The following CXCL17 variants were observed in gnomAD, a reference collection of about 807,000 sequenced individuals.
CXCL17 encodes C-X-C motif chemokine ligand 17, also known as C-X-C motif chemokine 17.
A neutral mutation model predicts 15.5 loss-of-function variants in CXCL17; 9 were observed. The ratio of observed to expected loss-of-function variants is 0.58; its 90% CI spans 0.35 to 1.01. The LOEUF (loss-of-function observed/expected upper bound fraction) is 1.01. Among genes scored for constraint, CXCL17 ranks in the 50% least tolerant of loss-of-function variants. The pLI is 0.02. For synonymous variants in CXCL17, 52 were observed against 52.3 expected (o/e 0.99, Z 0.02); for missense variants, 133 against 138.2 (o/e 0.96, Z 0.19).
In CXCL17 at chr19:42,428,604, A is replaced by C. The variant is rs35731308; in HGVS notation, c.*280T>G. 193 of 311,822 alleles carry C rather than the reference A, an allele frequency of 6.2e-4. 1 individual carries two copies. Among genetic ancestry groups the C allele is most frequent in the African/African-American group, 3.7e-3 (175 of 47,036 alleles). The allele number at this position is 311,822 out of a possible 1,614,324, so 19.3% of individuals were successfully genotyped here. On this transcript the variant is annotated 3_prime_UTR_variant, in exon 4 of 4. Transcript: ENST00000601181. ...CTTTCCTGATTGCATTTAAGGTTAA[A>C]TGACACTAGCTAGGAAGCTACAGTT...
Position 42,432,990 on chromosome 19 carries a change from T to C in CXCL17, c.248A>G (p.Asn83Ser), listed in dbSNP as rs2040798250. 4 of 1,613,194 alleles carry C rather than the reference T, an allele frequency of 2.5e-6. No individual in the cohort carries two copies. The East Asian group carries it at 8.9e-5, about 36-fold the overall frequency. Reference protein sequence around the residue: ...KQCPCDHFKGNVKKTRHQRHH... With the variant: ...KQCPCDHFKGSVKKTRHQRHH... ...TGGAAACTTACTTGTTTTCTTCACA[T>C]TGCCCTTGAAATGATCACAGGGGCA... is the stretch of plus-strand genomic sequence containing the variant. The change falls in exon 3 of 4, where the codon AAT becomes AGT. Residue 83 changes from asparagine (N) to serine (S), a missense_variant. Coordinates refer to ENST00000601181, the MANE Select transcript of CXCL17 (RefSeq NM_198477.3).
intron 3 of CXCL17, among the ~76,000 whole-genome samples, chr19:42,429,672 C>G (rs1454299873): frequency 6.6e-6 from 1 of 152,006 alleles, no homozygotes; most frequent in Non-Finnish European, 1.5e-5. Flanking sequence ...AAAAATAAGA[C>G]TCATCCAGTG....
chr19:42,442,702 GT>G (rs1226461157), intron 1 of CXCL17, 51 bp downstream of exon 1: 18 of 1,345,058 alleles, frequency 1.3e-5, no homozygotes, highest in Admixed American at 1.7e-5. Flanking sequence ...TCTGTGGCCT[GT>G]TTTGCCACAT....
At position 42,428,626 on chromosome 19, in the gene CXCL17, A is replaced by G. The variant is rs2040741206; in HGVS notation, c.*258T>C. On this transcript the variant is annotated 3_prime_UTR_variant, in exon 4 of 4. Coordinates refer to ENST00000601181, the MANE Select transcript of CXCL17 (RefSeq NM_198477.3). ...TAAATGACACTAGCTAGGAAGCTAC[A>G]GTTTCCTGGAATCTTTCAGGTAATT... The G allele has an allele frequency of 2.7e-6, 1 of 366,368 alleles. No homozygotes were observed. Among genetic ancestry groups the G allele is most frequent in the Admixed American group, 4.3e-5 (1 of 23,230 alleles). The allele number at this position is 366,368 out of a possible 1,614,324, so 22.7% of individuals were successfully genotyped here. A position where few individuals can be genotyped will look rare whatever the true frequency, so the allele number is the denominator to read the frequency against.
rs745783734 is a variant in CXCL17, at chr19:42,433,056, C to T, written c.182G>A (p.Arg61Lys). ...CCCAGACACTGTCATGAATTTTCTT[C>T]TCGGGGCTCTCAGGAACCAATCTGG... Reference protein sequence around the residue: ...ECKDWFLRAPRRKFMTVSGLP... With the variant: ...ECKDWFLRAPKRKFMTVSGLP... Residue 61 changes from arginine to lysine, a missense_variant, in exon 3 of 4, where the codon AGA (arginine) becomes AAA (lysine). Transcript: ENST00000601181. 10 of 1,613,902 alleles carry T rather than the reference C, an allele frequency of 6.2e-6. No homozygotes were observed. Among genetic ancestry groups the T allele is most frequent in the Middle Eastern group, 1.7e-4 (1 of 6,060 alleles).
intron 1 of CXCL17, among the ~76,000 whole-genome samples, chr19:42,440,904 AGG>A (rs1342557365): frequency 2.5e-5 from 3 of 120,756 alleles, no homozygotes; most frequent in African/African-American, 9.4e-5. Context: ...CTGCCATAAC[AGG>A]GGTTTGGATG....
chr19:42,435,251 T>G (rs1270003672), intron 1 of CXCL17, among the ~76,000 whole-genome samples: 1 of 152,166 alleles, frequency 6.6e-6, no homozygotes, highest in African/African-American at 2.4e-5. Flanking sequence ...AGTAAGAGCT[T>G]GGCTCAGATG....
chr19:42,429,676 T>C (rs1383041877), intron 3 of CXCL17, among the ~76,000 whole-genome samples: 2 of 152,050 alleles, frequency 1.3e-5, no homozygotes, highest in Non-Finnish European at 1.5e-5. Context: ...ATAAGACTCA[T>C]CCAGTGGAAA....
intron 3 of CXCL17, among the ~76,000 whole-genome samples, chr19:42,429,728 C>T (rs1009838568): frequency 6.6e-6 from 1 of 152,176 alleles, no homozygotes; most frequent in African/African-American, 2.4e-5. Context: ...ACTCCTCCCA[C>T]CCCAGCCTCT....
At chr19:42,435,203 A>G (rs574258369) in intron 1 of CXCL17, among the ~76,000 whole-genome samples, 10 of 152,092 alleles carry the variant, frequency 6.6e-5, no homozygotes, top group Non-Finnish European at 1.5e-4. Flanking sequence ...AATTCCTAAG[A>G]CAATCAAGAA....
chr19:42,441,212 A>T (rs533084051), intron 1 of CXCL17, among the ~76,000 whole-genome samples: 1 of 152,328 alleles, frequency 6.6e-6, no homozygotes, highest in African/African-American at 2.4e-5. Context: ...GGAAAGGCAC[A>T]TGAAGGCCCT....
intron 1 of CXCL17, among the ~76,000 whole-genome samples, chr19:42,441,997 T>C (rs1470572267): frequency 1.3e-5 from 2 of 152,168 alleles, no homozygotes; most frequent in African/African-American, 4.8e-5. Flanking sequence ...TCCAGTGCAC[T>C]GTAAAGAATA....
At chr19:42,432,911 G>C (rs1310571944) in intron 3 of CXCL17, 65 bp downstream of exon 3, 2 of 1,198,880 alleles carry the variant, frequency 1.7e-6, no homozygotes, top group Non-Finnish European at 2.5e-6. Flanking sequence ...TTCTCAACGT[G>C]CTTCTTCCCT....
intron 1 of CXCL17, among the ~76,000 whole-genome samples, chr19:42,441,748 G>A (rs951122549): frequency 4.6e-5 from 7 of 152,158 alleles, no homozygotes; most frequent in African/African-American, 1.4e-4. Context: ...GCTCACAAGC[G>A]GAAATATACA....
intron 1 of CXCL17, among the ~76,000 whole-genome samples, chr19:42,437,348 T>C (rs966828499): frequency 6.6e-6 from 1 of 152,206 alleles, no homozygotes; most frequent in African/African-American, 2.4e-5. Flanking sequence ...CTAACATGCA[T>C]TGGAATAAAC....
chr19:42,436,404 AGTTCCAGAG>A (rs1308675363), intron 1 of CXCL17, among the ~76,000 whole-genome samples: 8 of 152,182 alleles, frequency 5.3e-5, no homozygotes, highest in Admixed American at 5.2e-4. Context: ...CTCTACTCCT[AGTTCCAGAG>A]AAAAACCACA....
intron 1 of CXCL17, among the ~76,000 whole-genome samples, chr19:42,441,229 A>G (rs920443437): frequency 1.3e-5 from 2 of 152,154 alleles, no homozygotes; most frequent in African/African-American, 4.8e-5. Flanking sequence ...CCCTCAATAT[A>G]AGGCAGCAGA....
At chr19:42,438,991 C>T (rs763999752) in intron 1 of CXCL17, among the ~76,000 whole-genome samples, 2 of 152,100 alleles carry the variant, frequency 1.3e-5, no homozygotes, top group African/African-American at 2.4e-5. Flanking sequence ...TGGTGGCTCA[C>T]GCCTGTAATC....
rs544338015 is a variant in CXCL17 at position 42,433,929 on chromosome 19, C to T, written c.80-73G>A. 1.6e-5 allele frequency: 18 copies of T among 1,139,678 alleles called. No homozygotes were observed. In the South Asian group the frequency reaches 2.1e-4, roughly 13 times the overall value. 70.6% of individuals were successfully genotyped at this position (1,139,678 alleles called of 1,614,324 possible). On this transcript the variant is annotated intron_variant, in intron 1 of 3. Transcript: ENST00000601181. ...AATGATCCTCCCAGCATTGTTCTAC[C>T]TAGGTCAGCACAGTTCCATTTTTCC...
Sources: gnomAD v4.1 joint callset for allele counts (sites outside exome capture counted in the v4.1 genomes callset) on GRCh38, gnomAD v4.1.1 for gene constraint, MANE v1.5 for transcripts, NCBI Gene and HGNC (gene_info 2026-07-23, HGNC 2026-07-21) for gene names.